MARCHF1: variants seen among roughly 807,000 people sequenced by gnomAD.
The protein encoded by MARCHF1 is membrane associated ring-CH-type finger 1, also known as E3 ubiquitin-protein ligase MARCHF1.
In MARCHF1, 40 loss-of-function variants were observed where a neutral mutation model predicts 54.2. The observed-to-expected ratio is 0.74, with a 90% CI of 0.57 to 0.96. MARCHF1 has a LOEUF of 0.96. Ranked by LOEUF, MARCHF1 falls within the 40% of genes least tolerant of loss-of-function variation. The probability of loss-of-function intolerance (pLI) is 0.00; values close to 1 mark genes in which losing one functional copy is unlikely to be tolerated. For missense variants in MARCHF1, 586 were observed against 656.5 expected (o/e 0.89, Z 1.17); for synonymous variants, 236 against 236.3 (o/e 1.00, Z 0.01).
At chr4:163,553,119 A>T (rs1739170589) in intron 8 of MARCHF1, among the ~76,000 whole-genome samples, 1 of 151,922 alleles carries the variant, frequency 6.6e-6, no homozygotes, top group African/African-American at 2.4e-5. Context: ...TGGGTGAGTT[A>T]TTTTAATTCT....
chr4:163,575,491 C>T (rs1740005875), intron 8 of MARCHF1, among the ~76,000 whole-genome samples: 4 of 151,952 alleles, frequency 2.6e-5, no homozygotes. Flanking sequence ...CTATGTTCAT[C>T]AGGGTTGCTG....
At chr4:163,994,257 A>AGTGTGTGTGTGTGTGTGTGTGT (rs769035806) in intron 2 of MARCHF1, among the ~76,000 whole-genome samples, 6 of 137,030 alleles carry the variant, frequency 4.4e-5, no homozygotes, top group Non-Finnish European at 6.2e-5. Context: ...ATAGAGAAAA[A>AGTGTGTGTGTGTGTGTGTGTGT]GTGTGTGTGT....
chr4:164,163,258 C>A (rs1036086), intron 1 of MARCHF1, among the ~76,000 whole-genome samples: 28,936 of 151,568 alleles, frequency 0.19, 4,396 homozygotes, highest in African/African-American at 0.41. Context: ...TATTATAATA[C>A]TATTTCTGGA....
intron 2 of MARCHF1, among the ~76,000 whole-genome samples, chr4:164,053,260 G>A (rs1369651767): frequency 1.3e-5 from 2 of 152,010 alleles, no homozygotes; most frequent in Non-Finnish European, 1.5e-5. Context: ...AGTTACCAAT[G>A]ACCATTTCTC....
At position 163,600,171 on chromosome 4, in the gene MARCHF1, T is replaced by C. The variant is rs180739328; in HGVS notation, c.1010+12100A>G. ...ATATATCTATTTATATACACACATA[T>C]ATAAATTTATATACATATATAAATT... On this transcript the variant is annotated intron_variant, in intron 7 of 9. Transcript: ENST00000514618. Among the ~76,000 whole-genome samples, 597 of 152,110 alleles carry C rather than the reference T, an allele frequency of 3.9e-3. 4 individuals are homozygous for C. Among genetic ancestry groups the C allele is most frequent in the African/African-American group, 0.014 (563 of 41,504 alleles).
intron 1 of MARCHF1, among the ~76,000 whole-genome samples, chr4:164,210,716 G>A (rs919507406): frequency 2.0e-5 from 3 of 152,082 alleles, no homozygotes; most frequent in Non-Finnish European, 4.4e-5. Flanking sequence ...AGTTGACTGA[G>A]ATGCAATCAG....
intron 4 of MARCHF1, among the ~76,000 whole-genome samples, chr4:163,743,739 T>C (rs1746276979): frequency 6.6e-6 from 1 of 152,120 alleles, no homozygotes; most frequent in African/African-American, 2.4e-5. Flanking sequence ...CCACCATGCC[T>C]GGCCAATTTT....
rs888992424 is a variant in MARCHF1, at chr4:163,580,904, G to A, written c.1191+4845C>T. 2.1e-4 allele frequency among the ~76,000 whole-genome samples: 11 copies of A among 53,650 alleles called. 1 individual carries two copies. Among genetic ancestry groups the A allele is most frequent in the Admixed American group, 4.0e-4 (2 of 5,050 alleles). 35.2% of individuals were successfully genotyped at this position (53,650 alleles called of 152,430 possible). ...TGCAAGCTCCGCTTCCCGGGTTCAC[G>A]CCATTCTCCTGCCTCAGCCTCCCGA... On this transcript the variant is annotated intron_variant, in intron 8 of 9. Coordinates refer to ENST00000514618, the MANE Select transcript of MARCHF1 (RefSeq NM_001394959.1).
At chr4:163,866,523 T>C (rs1750054469) in intron 3 of MARCHF1, among the ~76,000 whole-genome samples, 2 of 141,474 alleles carry the variant, frequency 1.4e-5, no homozygotes, top group African/African-American at 5.0e-5. Context: ...TAATAATATA[T>C]TATGAATTAT....
At chr4:164,210,535 G>A (rs1731735118) in intron 1 of MARCHF1, among the ~76,000 whole-genome samples, 1 of 152,084 alleles carries the variant, frequency 6.6e-6, no homozygotes, top group Non-Finnish European at 1.5e-5. Context: ...CATAGATATG[G>A]GCTGGAGCTC....
intron 1 of MARCHF1, among the ~76,000 whole-genome samples, chr4:164,330,391 C>T (rs1735404179): frequency 6.6e-6 from 1 of 151,980 alleles, no homozygotes; most frequent in African/African-American, 2.4e-5. Context: ...TCATGTCTTC[C>T]CCTCCATCAC....
At chr4:163,730,842 G>A (rs954918615) in intron 4 of MARCHF1, among the ~76,000 whole-genome samples, 18 of 152,106 alleles carry the variant, frequency 1.2e-4, no homozygotes, top group African/African-American at 4.3e-4. Context: ...TAGCATCACA[G>A]ACCAGTAAAA....
At chr4:163,934,597 A>AAAAAAG (rs1751754945) in intron 3 of MARCHF1, among the ~76,000 whole-genome samples, 2 of 150,900 alleles carry the variant, frequency 1.3e-5, no homozygotes, top group African/African-American at 4.9e-5. Flanking sequence ...AAAAAAAAAA[A>AAAAAAG]AAAAAGAAGC....
chr4:164,280,665 A>C (rs2111336489), intron 1 of MARCHF1, among the ~76,000 whole-genome samples: 1 of 152,264 alleles, frequency 6.6e-6, no homozygotes, highest in Middle Eastern at 3.4e-3. Flanking sequence ...AAACTTAGGT[A>C]CATTTCGAGA....
intron 1 of MARCHF1, among the ~76,000 whole-genome samples, chr4:164,215,828 A>G (rs1157792230): frequency 6.6e-6 from 1 of 152,198 alleles, no homozygotes; most frequent in Non-Finnish European, 1.5e-5. Context: ...GTGAAGGTGA[A>G]ATACACTTTT....
chr4:163,779,029 A>C (rs1057381138), intron 4 of MARCHF1, among the ~76,000 whole-genome samples: 2 of 152,178 alleles, frequency 1.3e-5, no homozygotes, highest in African/African-American at 4.8e-5. Context: ...CATTTCCATA[A>C]ATTTTCTCAT....
rs548234827 is a variant in MARCHF1, at chr4:164,043,481, C to T, written c.-247-54772G>A. Among the ~76,000 whole-genome samples, 3 of 152,250 alleles carry T rather than the reference C, an allele frequency of 2.0e-5. No individual in the cohort carries two copies. The East Asian group carries it at 5.8e-4, about 29-fold the overall frequency. On this transcript the variant is annotated intron_variant, in intron 2 of 9. Coordinates refer to ENST00000514618, the MANE Select transcript of MARCHF1 (RefSeq NM_001394959.1). ...GCTGTGACAAAGCAGGAAAACATGT[C>T]CTGAGGCTGAACAGAGCAGCTGGAC...
intron 2 of MARCHF1, among the ~76,000 whole-genome samples, chr4:164,109,835 C>T (rs1021045899): frequency 7.1e-6 from 1 of 141,626 alleles, no homozygotes; most frequent in Admixed American, 7.6e-5. Flanking sequence ...TCCTAATGAT[C>T]TGTACAACAA....
chr4:163,990,777 G>A (rs1016796260), intron 2 of MARCHF1, among the ~76,000 whole-genome samples: 2 of 152,198 alleles, frequency 1.3e-5, no homozygotes, highest in African/African-American at 4.8e-5. Flanking sequence ...ATCTAACAGT[G>A]TGTGACAAAT....
Sources: gnomAD v4.1 joint callset for allele counts (sites outside exome capture counted in the v4.1 genomes callset) on GRCh38, gnomAD v4.1.1 for gene constraint, MANE v1.5 for transcripts, NCBI Gene and HGNC (gene_info 2026-07-23, HGNC 2026-07-21) for gene names.